Variants in EPM2A observed in about 807,000 individuals in gnomAD.
The protein encoded by EPM2A is EPM2A glucan phosphatase, laforin, also known as laforin.
Under a neutral mutation model 26.5 loss-of-function variants are expected in EPM2A, and 21 were observed. The ratio of observed to expected loss-of-function variants is 0.79; its 90% confidence interval spans 0.56 to 1.14. The LOEUF is 1.14. Among genes scored for constraint, EPM2A ranks in the 50% most tolerant of loss-of-function variants. The pLI, the probability that EPM2A is intolerant of heterozygous loss-of-function variation, is 0.00. For synonymous variants in EPM2A, 217 were observed against 177.6 expected (o/e 1.22, Z -1.76); for missense variants, 458 against 440.8 (o/e 1.04, Z -0.35).
intron 2 of EPM2A, among the ~76,000 whole-genome samples, chr6:145,520,664 A>C (rs1203318528): frequency 6.6e-6 from 1 of 152,236 alleles, no homozygotes; most frequent in Non-Finnish European, 1.5e-5. Context: ...ATTAAAAATA[A>C]GCCACAAAGA....
chr6:145,608,359 AC>A (rs2128551485), intron 2 of EPM2A, among the ~76,000 whole-genome samples: 1 of 152,302 alleles, frequency 6.6e-6, no homozygotes, highest in Non-Finnish European at 1.5e-5. Context: ...AGACATATAC[AC>A]CTTCCAAAGC....
At chr6:145,430,795 T>G (rs1308159418) in intron 4 of EPM2A, among the ~76,000 whole-genome samples, 1 of 152,126 alleles carries the variant, frequency 6.6e-6, no homozygotes, top group Non-Finnish European at 1.5e-5. Context: ...AGACCAAAAT[T>G]ACTTTCAGAT....
chr6:145,639,552 G>C (rs1776936283), intron 2 of EPM2A: 1 of 152,134 alleles, frequency 6.6e-6, no homozygotes, highest in Admixed American at 6.6e-5. Flanking sequence ...CCATATGCAT[G>C]TAAGAGAAGC....
intron 4 of EPM2A, chr6:145,490,356 C>A (rs1442701349): frequency 2.4e-6 from 3 of 1,272,532 alleles, no homozygotes; most frequent in Admixed American, 4.1e-5. Flanking sequence ...TTCTTTCTTC[C>A]TTTTTTGCCT....
intron 2 of EPM2A, among the ~76,000 whole-genome samples, chr6:145,616,815 G>A (rs1201819332): frequency 6.6e-6 from 1 of 152,172 alleles, no homozygotes; most frequent in Non-Finnish European, 1.5e-5. Flanking sequence ...CCTTTGATTT[G>A]GCCAATGTCT....
At chr6:145,465,558 T>C (rs917187443) in intron 4 of EPM2A, among the ~76,000 whole-genome samples, 20 of 150,914 alleles carry the variant, frequency 1.3e-4, no homozygotes, top group Non-Finnish European at 2.5e-4. Flanking sequence ...CTTTTTAGAG[T>C]TTCCAGTTTT....
intron 1 of EPM2A, among the ~76,000 whole-genome samples, chr6:145,694,895 T>G (rs1781484263): frequency 6.6e-6 from 1 of 151,966 alleles, no homozygotes; most frequent in South Asian, 2.1e-4. Context: ...TCACCACTAG[T>G]CCTGTCTTAT....
intron 4 of EPM2A, among the ~76,000 whole-genome samples, chr6:145,486,548 G>A (rs193073825): frequency 6.6e-6 from 1 of 152,140 alleles, no homozygotes; most frequent in East Asian, 1.9e-4. Context: ...CTCGGGACTT[G>A]TTCATCCTAC....
Position 145,626,974 on chromosome 6 carries a change from T to C in EPM2A, c.*442A>G. On this transcript the variant is annotated 3_prime_UTR_variant, in exon 4 of 4. Coordinates refer to ENST00000367519, the MANE Select transcript of EPM2A (RefSeq NM_005670.4). ...AGGCTTCTAACCTTATTTCCTCCTT[T>C]GGCAACTGACCAGCTCACGCACACA... 9.6e-7 allele frequency: 1 copy of C among 1,045,758 alleles called. No homozygotes were observed. The highest frequency in any genetic ancestry group is 1.2e-6 in the Non-Finnish European group (1 of 865,846). 64.8% of individuals were successfully genotyped at this position (1,045,758 alleles called of 1,614,324 possible).
intron 2 of EPM2A, among the ~76,000 whole-genome samples, chr6:145,614,301 G>T (rs1457055687): frequency 6.6e-6 from 1 of 152,222 alleles, no homozygotes; most frequent in African/African-American, 2.4e-5. Context: ...TGACTTAAGA[G>T]AAAGTGTTGT....
At chr6:145,564,928 C>T (rs779326692) in intron 2 of EPM2A, among the ~76,000 whole-genome samples, 18 of 152,190 alleles carry the variant, frequency 1.2e-4, no homozygotes, top group Non-Finnish European at 2.1e-4. Flanking sequence ...GTTTGTACCA[C>T]TGCTCCTGTA....
At chr6:145,399,775 T>C (rs760395478) in intron 4 of EPM2A, among the ~76,000 whole-genome samples, 2 of 152,172 alleles carry the variant, frequency 1.3e-5, no homozygotes, top group Non-Finnish European at 2.9e-5. Flanking sequence ...GAAACTCATA[T>C]AGAAAATATT....
intron 4 of EPM2A, among the ~76,000 whole-genome samples, chr6:145,472,427 A>T (rs1370317546): frequency 6.7e-6 from 1 of 150,282 alleles, no homozygotes; most frequent in African/African-American, 2.5e-5. Context: ...AGGTACCATC[A>T]TAGCCACGGG....
intron 2 of EPM2A, among the ~76,000 whole-genome samples, chr6:145,543,767 C>T (rs566791742): frequency 6.6e-6 from 1 of 152,208 alleles, no homozygotes; most frequent in East Asian, 1.9e-4. Flanking sequence ...TTACATTGGT[C>T]TTTGTCATGT....
At chr6:145,621,165 A>T (rs1055425389), downstream of EPM2A, among the ~76,000 whole-genome samples, 2 of 152,212 alleles carry the variant, frequency 1.3e-5, no homozygotes, top group Non-Finnish European at 2.9e-5. Context: ...CTTTTTAAAG[A>T]TTCCACATAT....
In EPM2A at chr6:145,571,156, T is replaced by C. The variant is rs545765574; in HGVS notation, c.340+64089A>G. 1.6e-3 allele frequency among the ~76,000 whole-genome samples: 246 copies of C among 150,068 alleles called. 1 individual carries two copies. Among genetic ancestry groups the C allele is most frequent in the African/African-American group, 5.8e-3 (239 of 41,074 alleles). On this transcript the variant is annotated intron_variant, in intron 2 of 3. Transcript: ENST00000450221. ...ACTTCCACTTCCACCCCTTGATTCC[T>C]GGCCCCGTGAATCCTGGCTATGGGA...
intron 2 of EPM2A, chr6:145,637,064 A>G (rs565882103): frequency 6.6e-6 from 1 of 152,228 alleles, no homozygotes; most frequent in African/African-American, 2.4e-5. Flanking sequence ...ACTCATAAAA[A>G]TCTTGTAAGG....
chr6:145,452,411 C>G (rs528138767), intron 4 of EPM2A, among the ~76,000 whole-genome samples: 3 of 135,390 alleles, frequency 2.2e-5, no homozygotes, highest in Non-Finnish European at 4.6e-5. Flanking sequence ...ACTGGGAGGC[C>G]GAGGCGGGCA....
intron 2 of EPM2A, among the ~76,000 whole-genome samples, chr6:145,650,137 G>A (rs73579444): frequency 0.079 from 12,080 of 152,156 alleles, 1,464 homozygotes; most frequent in African/African-American, 0.26. Context: ...GGGAAGGAAC[G>A]GAAAGCAATT....
Sources: gnomAD v4.1 joint callset for allele counts (sites outside exome capture counted in the v4.1 genomes callset) on GRCh38, gnomAD v4.1.1 for gene constraint, MANE v1.5 for transcripts, NCBI Gene and HGNC (gene_info 2026-07-23, HGNC 2026-07-21) for gene names.